Variants in MEGF6 observed in about 807,000 individuals in gnomAD.
MEGF6 encodes the protein multiple EGF like domains 6.
Under a neutral mutation model 207.1 loss-of-function variants are expected in MEGF6, and 184 were observed. The observed-to-expected ratio is 0.89, with a 90% confidence interval of 0.79 to 1.00. The LOEUF is 1.00. Ranked by LOEUF, MEGF6 falls within the 50% of genes least tolerant of loss-of-function variation. MEGF6 has a pLI of 0.00. For synonymous variants in MEGF6, 1,038 were observed against 910.0 expected (o/e 1.14, Z -2.53); for missense variants, 2,282 against 2,202.9 (o/e 1.04, Z -0.72).
chr1:3,510,893 T>C lies in MEGF6; in HGVS notation c.1124A>G (p.Asp375Gly). Residue 375 changes from aspartate to glycine, a missense_variant, in exon 10 of 37, where the codon GAC (aspartate) becomes GGC (glycine). Asp to Gly is a moderately conservative substitution (Grantham distance 94). Transcript: ENST00000356575. Reference protein sequence around the residue: ...TDQRTCIDVDDCADSPCCQQV... With the variant: ...TDQRTCIDVDGCADSPCCQQV... ...CTGGCAGCACGGGCTGTCTGCACAG[T>C]CGTCGACATCTGTGGAGCACACGCC... 2.5e-6 allele frequency: 4 copies of C among 1,604,852 alleles called. No individual in the cohort carries two copies. The highest frequency in any genetic ancestry group is 3.4e-6 in the Non-Finnish European group (4 of 1,173,546).
chr1:3,596,281 T>G (rs1644064255), intron 2 of MEGF6, among the ~76,000 whole-genome samples: 1 of 151,942 alleles, frequency 6.6e-6, no homozygotes, highest in African/African-American at 2.4e-5. Flanking sequence ...AGTGTCCTGC[T>G]GGGAATGGGC....
rs1644087172 is a variant in MEGF6, at chr1:3,597,492, G to A, written c.267-2045C>T. 3.3e-5 allele frequency among the ~76,000 whole-genome samples: 5 copies of A among 152,170 alleles called. No individual in the cohort carries two copies. In the South Asian group the frequency reaches 6.2e-4, roughly 19 times the overall value. ...TGTCCCCACAAACTCAGGTCCACCC[G>A]GCTGTGACCTTACTTCTTGGAAATA... On this transcript the variant is annotated intron_variant, in intron 2 of 36. Coordinates refer to ENST00000356575, the MANE Select transcript of MEGF6 (RefSeq NM_001409.4).
At chr1:3,521,501 C>T (rs2101158353) in intron 5 of MEGF6, among the ~76,000 whole-genome samples, 1 of 152,314 alleles carries the variant, frequency 6.6e-6, no homozygotes, top group Admixed American at 6.5e-5. Flanking sequence ...CCCTCCCCAT[C>T]CCAGGCCGGC....
chr1:3,620,708 C>T, the MEGF6 span, among the ~76,000 whole-genome samples: 3 of 152,146 alleles, frequency 2.0e-5, no homozygotes, highest in Admixed American at 1.3e-4. Flanking sequence ...GATGAGAGAT[C>T]GTAGAAATAA....
At chr1:3,537,764 G>T (rs185288594) in intron 4 of MEGF6, among the ~76,000 whole-genome samples, 2 of 152,232 alleles carry the variant, frequency 1.3e-5, no homozygotes, top group African/African-American at 4.8e-5. Context: ...CCTGGCCTGG[G>T]GTCTGGATGG....
intron 4 of MEGF6, among the ~76,000 whole-genome samples, chr1:3,548,809 A>C (rs7340017): frequency 0.19 from 28,180 of 152,090 alleles, 4,487 homozygotes; most frequent in African/African-American, 0.43. Flanking sequence ...CCTCACAGCC[A>C]CCCACCCCGA....
In MEGF6 at chr1:3,490,688, T is replaced by C. The variant is rs1468608032; in HGVS notation, c.4565-99A>G. The C allele has an allele frequency of 2.4e-6, 3 of 1,268,308 alleles. No individual in the cohort carries two copies. In the Admixed American group the frequency reaches 6.6e-5, roughly 28 times the overall value. 78.6% of individuals were successfully genotyped at this position (1,268,308 alleles called of 1,614,324 possible). On this transcript the variant is annotated intron_variant, in intron 36 of 36. Transcript: ENST00000356575. Reference sequence around the variant, plus strand: ...GCACCTCTCCCTCCCACCCCTCCCTTCAGCAGCTCAGCCCAGCAGGTGGGT... The same window carrying C: ...GCACCTCTCCCTCCCACCCCTCCCTCCAGCAGCTCAGCCCAGCAGGTGGGT...
chr1:3,514,684 G>A lies in MEGF6; in HGVS notation c.731-12C>T. On this transcript the variant is annotated splice_polypyrimidine_tract_variant and intron_variant, in intron 6 of 36. Coordinates refer to ENST00000356575, the MANE Select transcript of MEGF6 (RefSeq NM_001409.4). The stretch of plus-strand genomic sequence containing the variant: ...ACACGGGCTTCTACCTGCAGCCACG[G>A]GCCCGAGGAGGGGGTTGGGGAGAGG... The A allele has an allele frequency of 6.4e-7, 1 of 1,564,108 alleles. No homozygotes were observed. The highest frequency in any genetic ancestry group is 8.6e-7 in the Non-Finnish European group (1 of 1,156,874).
At chr1:3,605,526 ACT>A (rs752911802) in intron 1 of MEGF6, among the ~76,000 whole-genome samples, 37 of 143,236 alleles carry the variant, frequency 2.6e-4, no homozygotes, top group African/African-American at 6.7e-4. Context: ...ACACATTCAC[ACT>A]CACACACAAT....
At chr1:3,576,759 C>T (rs1318332730) in intron 4 of MEGF6, among the ~76,000 whole-genome samples, 3 of 151,102 alleles carry the variant, frequency 2.0e-5, no homozygotes, top group Non-Finnish European at 4.4e-5. Context: ...CATGCCCAGC[C>T]CTGCACATTC....
chr1:3,567,346 G>A (rs890614898), intron 4 of MEGF6, among the ~76,000 whole-genome samples: 15 of 152,198 alleles, frequency 9.9e-5, no homozygotes, highest in East Asian at 5.8e-4. Context: ...CTGCCTCCTC[G>A]CCTCTCCTGG....
chr1:3,593,232 G>A (rs557260602), intron 3 of MEGF6, among the ~76,000 whole-genome samples: 127 of 152,176 alleles, frequency 8.3e-4, no homozygotes, highest in African/African-American at 2.9e-3. Context: ...AGCGGGGAGC[G>A]GCTGAACCAG....
chr1:3,540,393 G>A (rs530466344), intron 4 of MEGF6, among the ~76,000 whole-genome samples: 1 of 152,322 alleles, frequency 6.6e-6, no homozygotes, highest in African/African-American at 2.4e-5. Flanking sequence ...GAAGAATGTT[G>A]GCCTGGGGAG....
At chr1:3,502,862 C>T (rs1331756912) in intron 17 of MEGF6, among the ~76,000 whole-genome samples, 1 of 152,302 alleles carries the variant, frequency 6.6e-6, no homozygotes, top group African/African-American at 2.4e-5. Flanking sequence ...TGAGGCTAGC[C>T]GGGAGCTCGG....
At chr1:3,543,158 G>A (rs1342699182) in intron 4 of MEGF6, among the ~76,000 whole-genome samples, 1 of 152,242 alleles carries the variant, frequency 6.6e-6, no homozygotes, top group Non-Finnish European at 1.5e-5. Flanking sequence ...ACACTGGCCT[G>A]GAGACGCTCC....
chr1:3,546,568 C>A (rs1420448880), intron 4 of MEGF6, among the ~76,000 whole-genome samples: 1 of 149,748 alleles, frequency 6.7e-6, no homozygotes, highest in Non-Finnish European at 1.5e-5. Context: ...AGGGGGCTGC[C>A]AGGGAGGCCG....
At position 3,579,567 on chromosome 1, in the gene MEGF6, G is replaced by A. The variant is rs536036793; in HGVS notation, c.481+258C>T. Reference sequence around the variant, plus strand: ...CCATTTATAAACAGCAGGGCTGGACGCAGTGGGCGCTGAGATGATATGCTT... The same window carrying A: ...CCATTTATAAACAGCAGGGCTGGACACAGTGGGCGCTGAGATGATATGCTT... On this transcript the variant is annotated intron_variant, in intron 4 of 36. Coordinates refer to ENST00000356575, the MANE Select transcript of MEGF6 (RefSeq NM_001409.4). Among the ~76,000 whole-genome samples the A allele has an allele frequency of 8.5e-4, 129 of 152,358 alleles. 1 individual carries two copies. Among genetic ancestry groups the A allele is most frequent in the African/African-American group, 2.8e-3 (118 of 41,580 alleles).
rs1178767122 is a variant in MEGF6, at chr1:3,530,953, C to T, written c.482-6707G>A. ...AAGCAGGCGCGCCTGCCGGGCACTG[C>T]CCCGCCCTGCTCCCTCCAGCCTAGC... On this transcript the variant is annotated intron_variant, in intron 4 of 36. Coordinates refer to ENST00000356575, the MANE Select transcript of MEGF6 (RefSeq NM_001409.4). 2.9e-5 allele frequency: 38 copies of T among 1,288,496 alleles called. No homozygotes were observed. The East Asian group carries it at 8.2e-4, about 28-fold the overall frequency. 79.8% of individuals were successfully genotyped at this position (1,288,496 alleles called of 1,614,324 possible).
At chr1:3,603,615 C>A (rs960860999) in intron 1 of MEGF6, among the ~76,000 whole-genome samples, 3 of 152,128 alleles carry the variant, frequency 2.0e-5, no homozygotes, top group Admixed American at 6.5e-5. Context: ...GCAAGCCTGG[C>A]AGATCCCACC....
Sources: allele counts gnomAD v4.1 joint callset (sites outside exome capture counted in the v4.1 genomes callset), GRCh38; gene constraint gnomAD v4.1.1; transcripts MANE v1.5; gene names NCBI Gene and HGNC (gene_info 2026-07-23, HGNC 2026-07-21).